The following KPNA3 variants were observed in gnomAD, a reference collection of about 807,000 sequenced individuals.
The protein encoded by KPNA3 is karyopherin subunit alpha 3.
A neutral mutation model predicts 73.8 loss-of-function variants in KPNA3; 13 were observed. The ratio of observed to expected loss-of-function variants is 0.18; its 90% CI spans 0.11 to 0.28. The LOEUF (loss-of-function observed/expected upper bound fraction) is 0.28. Among genes scored for constraint, KPNA3 ranks in the 10% least tolerant of loss-of-function variants. The probability of loss-of-function intolerance (pLI) is 1.00; values close to 1 mark genes in which losing one functional copy is unlikely to be tolerated. For synonymous variants in KPNA3, 186 were observed against 206.9 expected (o/e 0.90, Z 0.87); for missense variants, 360 against 618.1 (o/e 0.58, Z 4.43).
At chr13:49,770,407 C>G (rs1306954145) in intron 1 of KPNA3, among the ~76,000 whole-genome samples, 1 of 151,982 alleles carries the variant, frequency 6.6e-6, no homozygotes, top group East Asian at 1.9e-4. Context: ...AAATCCTAGG[C>G]TCAGGTGATT....
At position 49,714,250 on chromosome 13, in the gene KPNA3, TCTAA is replaced by T. The variant is rs142903815; in HGVS notation, c.772-3232_772-3229del. On this transcript the variant is annotated intron_variant, in intron 10 of 16. Coordinates refer to ENST00000261667, the MANE Select transcript of KPNA3 (RefSeq NM_002267.4). ...AGATAAAGAATAGAAAAATCATAGA[TCTAA>T]CTAATAAACTGAAACCCTGGTTCTC... 4.4e-3 allele frequency among the ~76,000 whole-genome samples: 655 copies of T among 149,074 alleles called. 6 individuals are homozygous for T. Among genetic ancestry groups the T allele is most frequent in the African/African-American group, 0.015 (621 of 40,456 alleles).
At chr13:49,745,822 G>A (rs1378179500) in intron 2 of KPNA3, among the ~76,000 whole-genome samples, 3 of 151,924 alleles carry the variant, frequency 2.0e-5, no homozygotes, top group Admixed American at 6.5e-5. Flanking sequence ...CCAGCACTTT[G>A]GGAGGCTGAG....
chr13:49,758,450 C>G (rs1954730143), intron 1 of KPNA3, among the ~76,000 whole-genome samples: 1 of 152,170 alleles, frequency 6.6e-6, no homozygotes, highest in Non-Finnish European at 1.5e-5. Flanking sequence ...ACCAGGAAAA[C>G]TCCAAACTGT....
At chr13:49,734,938 TAG>T (rs1377926602) in intron 2 of KPNA3, among the ~76,000 whole-genome samples, 4 of 146,738 alleles carry the variant, frequency 2.7e-5, no homozygotes, top group African/African-American at 1.0e-4. Flanking sequence ...TATATATATA[TAG>T]AGAGAGAGAT....
chr13:49,759,642 G>A (rs7334018), intron 1 of KPNA3, among the ~76,000 whole-genome samples: 18,137 of 152,104 alleles, frequency 0.12, 2,177 homozygotes, highest in East Asian at 0.58. Flanking sequence ...TAGATCACTC[G>A]CATGCACAGT....
At position 49,762,248 on chromosome 13, in the gene KPNA3, G is replaced by C. The variant is rs529638149; in HGVS notation, c.70-15255C>G. Among the ~76,000 whole-genome samples, 4 of 147,566 alleles carry C rather than the reference G, an allele frequency of 2.7e-5. No homozygotes were observed. The South Asian group carries it at 6.5e-4, about 24-fold the overall frequency. ...GCCGCCCCGTCGCGGAGGGAGGAGGGGGGGCGCCTCCGCCCGGCCATCGCC... is the reference window on the plus strand; with the variant it reads ...GCCGCCCCGTCGCGGAGGGAGGAGGCGGGGCGCCTCCGCCCGGCCATCGCC... On this transcript the variant is annotated intron_variant, in intron 1 of 16. Transcript: ENST00000261667.
At chr13:49,772,082 T>C (rs568021199) in intron 1 of KPNA3, among the ~76,000 whole-genome samples, 55 of 152,376 alleles carry the variant, frequency 3.6e-4, no homozygotes, top group African/African-American at 1.3e-3. Context: ...AAGTGAGTTC[T>C]TTAGAATTTT....
At chr13:49,744,718 T>C (rs932383095) in intron 2 of KPNA3, among the ~76,000 whole-genome samples, 2 of 152,146 alleles carry the variant, frequency 1.3e-5, no homozygotes, top group African/African-American at 2.4e-5. Flanking sequence ...GGTGAATTTT[T>C]TGAAATTTAG....
intron 1 of KPNA3, among the ~76,000 whole-genome samples, chr13:49,781,906 G>C (rs73194413): frequency 0.062 from 9,495 of 152,222 alleles, 351 homozygotes; most frequent in South Asian, 0.11. Context: ...AATGTATAGA[G>C]TAATTCACAA....
At chr13:49,712,427 A>G (rs1165391709) in intron 10 of KPNA3, among the ~76,000 whole-genome samples, 1 of 152,142 alleles carries the variant, frequency 6.6e-6, no homozygotes. Context: ...ACCCGACATG[A>G]TAGAAGGGGG....
chr13:49,785,190 G>C (rs1265859046), intron 1 of KPNA3, among the ~76,000 whole-genome samples: 1 of 152,138 alleles, frequency 6.6e-6, no homozygotes, highest in Non-Finnish European at 1.5e-5. Flanking sequence ...CAGGCATCAG[G>C]CTCACTGAAA....
intron 10 of KPNA3, among the ~76,000 whole-genome samples, chr13:49,717,260 A>T (rs1339903108): frequency 6.6e-6 from 1 of 152,024 alleles, no homozygotes; most frequent in Non-Finnish European, 1.5e-5. Context: ...TTTAATATAG[A>T]ATCAAAAACT....
intron 1 of KPNA3, among the ~76,000 whole-genome samples, chr13:49,763,698 CCT>C (rs1954786751): frequency 6.6e-6 from 1 of 152,088 alleles, no homozygotes; most frequent in African/African-American, 2.4e-5. Context: ...ACTTTGGAGG[CCT>C]AGGTGGGCAG....
At chr13:49,741,809 C>G (rs1017891242) in intron 2 of KPNA3, among the ~76,000 whole-genome samples, 2 of 152,166 alleles carry the variant, frequency 1.3e-5, no homozygotes, top group African/African-American at 4.8e-5. Context: ...ATATATAACC[C>G]CTTATCAGAT....
At chr13:49,734,203 T>C (rs1022230436) in intron 2 of KPNA3, among the ~76,000 whole-genome samples, 10 of 152,246 alleles carry the variant, frequency 6.6e-5, no homozygotes, top group Non-Finnish European at 1.5e-5. Context: ...GGTTCTGACA[T>C]ATAATAGTTT....
chr13:49,747,352 AAAG>A (rs1229699880), intron 1 of KPNA3, among the ~76,000 whole-genome samples: 23 of 152,048 alleles, frequency 1.5e-4, no homozygotes, highest in African/African-American at 3.9e-4. Flanking sequence ...ATCTCAAAAA[AAAG>A]AAGAAGAAGA....
At chr13:49,728,860 C>G (rs951907937) in intron 6 of KPNA3, among the ~76,000 whole-genome samples, 2 of 152,136 alleles carry the variant, frequency 1.3e-5, no homozygotes, top group Non-Finnish European at 2.9e-5. Flanking sequence ...AGCAATTTTG[C>G]AAGAGAATCA....
At chr13:49,718,744 T>C (rs1002492225) in intron 10 of KPNA3, among the ~76,000 whole-genome samples, 1 of 152,212 alleles carries the variant, frequency 6.6e-6, no homozygotes, top group Non-Finnish European at 1.5e-5. Flanking sequence ...TTAGGCTGTG[T>C]CAAACACGAA....
At chr13:49,730,799 C>T (rs140799182) in intron 6 of KPNA3, among the ~76,000 whole-genome samples, 1,744 of 122,880 alleles carry the variant, frequency 0.014, 21 homozygotes, top group Non-Finnish European at 0.021. Context: ...TATTTTGAGA[C>T]GGAGTCTTGC....
Sources: gnomAD v4.1 joint callset for allele counts (sites outside exome capture counted in the v4.1 genomes callset) on GRCh38, gnomAD v4.1.1 for gene constraint, MANE v1.5 for transcripts, NCBI Gene and HGNC (gene_info 2026-07-23, HGNC 2026-07-21) for gene names.